The following CAMK2D variants were observed in gnomAD, a reference collection of about 807,000 sequenced individuals.
CAMK2D encodes the protein calcium/calmodulin-dependent protein kinase type II subunit delta.
Under a neutral mutation model 84.0 loss-of-function variants are expected in CAMK2D, and 37 were observed. That is an observed-to-expected ratio of 0.44 (90% CI 0.34 to 0.58). The LOEUF is 0.58. Ranked by LOEUF, CAMK2D falls within the 20% of genes least tolerant of loss-of-function variation. CAMK2D has a pLI of 0.02. For synonymous variants in CAMK2D, 202 were observed against 212.5 expected (o/e 0.95, Z 0.43); for missense variants, 448 against 652.5 (o/e 0.69, Z 3.41).
chr4:113,524,290 A>G (rs1248074500), intron 8 of CAMK2D, among the ~76,000 whole-genome samples: 2 of 152,174 alleles, frequency 1.3e-5, no homozygotes, highest in Non-Finnish European at 2.9e-5. Context: ...ATGAAACACT[A>G]ATTTCCCCTT....
At chr4:113,748,576 A>G (rs1359531404) in intron 2 of CAMK2D, among the ~76,000 whole-genome samples, 1 of 152,158 alleles carries the variant, frequency 6.6e-6, no homozygotes, top group Non-Finnish European at 1.5e-5. Context: ...TAGGAATACC[A>G]AAATAATTAA....
At chr4:113,743,452 A>G (rs1031496242) in intron 2 of CAMK2D, among the ~76,000 whole-genome samples, 4 of 152,136 alleles carry the variant, frequency 2.6e-5, no homozygotes. Context: ...CTACTGCACA[A>G]TGCTTTTGGT....
At chr4:113,568,716 C>T (rs1210490381) in intron 4 of CAMK2D, among the ~76,000 whole-genome samples, 4 of 152,162 alleles carry the variant, frequency 2.6e-5, no homozygotes, top group Non-Finnish European at 4.4e-5. Flanking sequence ...TCCAACTTCT[C>T]TATATCCTGG....
chr4:113,750,674 C>T (rs1257366805), intron 2 of CAMK2D, among the ~76,000 whole-genome samples: 2 of 152,144 alleles, frequency 1.3e-5, no homozygotes. Flanking sequence ...AAAAAATGTG[C>T]AACTATTATC....
At chr4:113,613,594 G>C (rs921467560) in intron 3 of CAMK2D, among the ~76,000 whole-genome samples, 5 of 152,140 alleles carry the variant, frequency 3.3e-5, no homozygotes, top group Non-Finnish European at 4.4e-5. Flanking sequence ...GAGGTAGCTA[G>C]ATGATGTCTA....
At chr4:113,619,234 T>TAG (rs36011254) in intron 3 of CAMK2D, among the ~76,000 whole-genome samples, 95,585 of 151,646 alleles carry the variant, frequency 0.63, 31,441 homozygotes, top group East Asian at 0.86. Flanking sequence ...CATACATATA[T>TAG]AGAAAATCTG....
At chr4:113,622,943 C>A (rs527858619) in intron 3 of CAMK2D, among the ~76,000 whole-genome samples, 2 of 152,186 alleles carry the variant, frequency 1.3e-5, no homozygotes, top group African/African-American at 4.8e-5. Flanking sequence ...CAGGAGTCTG[C>A]AAACCATGGT....
intron 5 of CAMK2D, among the ~76,000 whole-genome samples, chr4:113,548,258 G>A (rs1264699231): frequency 6.6e-6 from 1 of 152,170 alleles, no homozygotes; most frequent in East Asian, 1.9e-4. Flanking sequence ...ATGGAGCAAT[G>A]CGTAACCAGT....
At chr4:113,672,605 T>G (rs1285634276) in intron 2 of CAMK2D, among the ~76,000 whole-genome samples, 1 of 152,002 alleles carries the variant, frequency 6.6e-6, no homozygotes, top group African/African-American at 2.4e-5. Flanking sequence ...TATCATTGAT[T>G]GAACTACAAT....
chr4:113,479,101 G>C (rs574607183), intron 16 of CAMK2D, among the ~76,000 whole-genome samples: 6 of 152,292 alleles, frequency 3.9e-5, no homozygotes, highest in Admixed American at 3.9e-4. Flanking sequence ...CATTTAATCT[G>C]TTAACTTCTA....
chr4:113,755,132 T>C, intron 2 of CAMK2D: 1 of 932,794 alleles, frequency 1.1e-6, no homozygotes. Flanking sequence ...GAATTAGTTT[T>C]TAACATCCCT....
chr4:113,523,357 A>T (rs1435121607), intron 8 of CAMK2D, among the ~76,000 whole-genome samples: 1 of 152,158 alleles, frequency 6.6e-6, no homozygotes, highest in African/African-American at 2.4e-5. Context: ...CGCTTGTTAA[A>T]GTGCAAATTC....
intron 2 of CAMK2D, among the ~76,000 whole-genome samples, chr4:113,718,309 G>A (rs992162257): frequency 1.3e-5 from 2 of 152,158 alleles, no homozygotes; most frequent in African/African-American, 4.8e-5. Flanking sequence ...GTGTCAGAAA[G>A]TGGGAAGTGC....
chr4:113,613,695 C>T (rs1335625131), intron 3 of CAMK2D, among the ~76,000 whole-genome samples: 3 of 151,988 alleles, frequency 2.0e-5, no homozygotes, highest in Non-Finnish European at 4.4e-5. Flanking sequence ...ATGAGAATTG[C>T]CAGTGACTCA....
intron 4 of CAMK2D, among the ~76,000 whole-genome samples, chr4:113,569,313 C>G (rs1269898512): frequency 6.6e-6 from 1 of 152,094 alleles, no homozygotes; most frequent in Non-Finnish European, 1.5e-5. Context: ...GTTGGCAAAT[C>G]CAATGTCATG....
chr4:113,649,423 A>AC (rs1377444552), intron 3 of CAMK2D, among the ~76,000 whole-genome samples: 1 of 152,230 alleles, frequency 6.6e-6, no homozygotes, highest in African/African-American at 2.4e-5. Context: ...GCCAATCATT[A>AC]CAGGTTTTCA....
At chr4:113,563,772 G>GTATC (rs1295193715) in intron 4 of CAMK2D, among the ~76,000 whole-genome samples, 1 of 152,200 alleles carries the variant, frequency 6.6e-6, no homozygotes, top group Non-Finnish European at 1.5e-5. Flanking sequence ...AGTCTGGAGT[G>GTATC]TATCTGTACT....
At chr4:113,576,399 T>C (rs1482358716) in intron 4 of CAMK2D, among the ~76,000 whole-genome samples, 2 of 151,932 alleles carry the variant, frequency 1.3e-5, no homozygotes, top group Non-Finnish European at 2.9e-5. Context: ...CTTAAAACAA[T>C]GAAGAATAGT....
intron 2 of CAMK2D, chr4:113,754,208 CATT>C (rs2099623396): frequency 1.0e-6 from 1 of 966,982 alleles, no homozygotes; most frequent in African/African-American, 1.8e-5. Context: ...TCTATATAAT[CATT>C]AATTGCCAAT....
Sources: gnomAD v4.1 joint callset for allele counts (sites outside exome capture counted in the v4.1 genomes callset) on GRCh38, gnomAD v4.1.1 for gene constraint, MANE v1.5 for transcripts, NCBI Gene and HGNC (gene_info 2026-07-23, HGNC 2026-07-21) for gene names.